The following FKRP variants were observed in gnomAD, a reference collection of about 807,000 sequenced individuals.
FKRP encodes fukutin related protein.
Under a neutral mutation model 30.6 loss-of-function variants are expected in FKRP, and 25 were observed. That is an observed-to-expected ratio of 0.82 (90% CI 0.60 to 1.14). The LOEUF is 1.14. FKRP is among the 50% of genes most tolerant of loss of function. The pLI, the probability that FKRP is intolerant of heterozygous loss-of-function variation, is 0.00. For synonymous variants in FKRP, 358 were observed against 342.5 expected (o/e 1.05, Z -0.50); for missense variants, 771 against 727.8 (o/e 1.06, Z -0.68).
At chr19:46,752,226 G>A (rs2054808468) in intron 3 of FKRP, among the ~76,000 whole-genome samples, 1 of 152,184 alleles carries the variant, frequency 6.6e-6, no homozygotes, top group African/African-American at 2.4e-5. Context: ...GATCTCTCGA[G>A]GTGCTGAATG....
chr19:46,757,025 G>T lies in FKRP; in HGVS notation c.*87G>T. On this transcript the variant is annotated 3_prime_UTR_variant, in exon 4 of 4. Transcript: ENST00000318584. ...GAGCGGTGAGGGGTGGAGGGATGTCGCGGAGAGGGGAAGGGGGAAACTGAC... is the reference window on the plus strand; with the variant it reads ...GAGCGGTGAGGGGTGGAGGGATGTCTCGGAGAGGGGAAGGGGGAAACTGAC... 1.3e-6 allele frequency: 2 copies of T among 1,534,204 alleles called. No homozygotes were observed. Among genetic ancestry groups the T allele is most frequent in the African/African-American group, 2.7e-5 (2 of 73,398 alleles).
At position 46,746,106 on chromosome 19, in the gene FKRP, G is replaced by T; in HGVS notation, c.-253+16G>T. 4 of 1,442,804 alleles carry T rather than the reference G, an allele frequency of 2.8e-6. No homozygotes were observed. The highest frequency in any genetic ancestry group is 3.6e-6 in the Non-Finnish European group (4 of 1,100,284). The allele number at this position is 1,442,804 out of a possible 1,614,324, so 89.4% of individuals were successfully genotyped here. Reference sequence around the variant, plus strand: ...GCGGCAGCGGGTGAGGCCGGGCCGGGCCGGGCCGGGTTGGGGGTCGGGGGT... The same window carrying T: ...GCGGCAGCGGGTGAGGCCGGGCCGGTCCGGGCCGGGTTGGGGGTCGGGGGT... On this transcript the variant is annotated intron_variant, in intron 1 of 3. Transcript: ENST00000318584.
upstream of FKRP, chr19:46,746,046 G>C (rs1438422244): frequency 5.8e-6 from 6 of 1,041,972 alleles, no homozygotes; most frequent in Non-Finnish European, 4.9e-6. Context: ...CCCGCCGGCC[G>C]TCCCGGCGGC....
chr19:46,746,498 C>G (rs1389612871), intron 1 of FKRP: 6 of 848,962 alleles, frequency 7.1e-6, no homozygotes, highest in East Asian at 1.2e-4. Flanking sequence ...CCAACACCCC[C>G]CCCCCTCCCC....
Position 46,755,879 on chromosome 19 carries a change from C to T in FKRP, c.429C>T (p.Arg143=). The change falls in exon 4 of 4, where the codon CGC becomes CGT. Residue 143 remains arginine (R), a synonymous_variant. Transcript: ENST00000318584. The stretch of plus-strand genomic sequence containing the variant: ...CTGAGGCACCTGGCCTGCTGGAGCG[C>T]ATGGTGGAGGCGCTCCGCGCAGGAA... ...ARAEAPGLLE[R]MVEALRAGSA... 2 of 1,496,832 alleles carry T rather than the reference C, an allele frequency of 1.3e-6. No individual in the cohort carries two copies. Among genetic ancestry groups the T allele is most frequent in the Non-Finnish European group, 1.8e-6 (2 of 1,126,638 alleles). 92.7% of individuals were successfully genotyped at this position (1,496,832 alleles called of 1,614,324 possible).
chr19:46,756,868 T>G lies in FKRP; in HGVS notation c.1418T>G (p.Phe473Cys), dbSNP rs752243337. ...TACCGCCGCTTCCTGGAGCTCAAGT[T>G]CGGGCCCGGGGTCATCGAGAACCCC... ...NNYRRFLELKFGPGVIENPQY... is the reference protein window; with the variant it reads ...NNYRRFLELKCGPGVIENPQY... The change falls in exon 4 of 4, where the codon TTC becomes TGC. Residue 473 changes from phenylalanine (F) to cysteine (C), a missense_variant. Physicochemically the swap from Phe to Cys is radical, Grantham distance 205 (BLOSUM62 -2). Transcript: ENST00000318584. The surrounding 1 kb of genome is among the most constrained non-coding windows in gnomAD (Gnocchi z 6.6). 3 of 1,611,130 alleles carry G rather than the reference T, an allele frequency of 1.9e-6. No homozygotes were observed. The African/African-American group carries it at 4.0e-5, about 21-fold the overall frequency.
Position 46,756,285 on chromosome 19 carries a change from T to C in FKRP, c.835T>C (p.Trp279Arg), listed in dbSNP as rs2054919937. 2 of 1,525,862 alleles carry C rather than the reference T, an allele frequency of 1.3e-6. No homozygotes were observed. Among genetic ancestry groups the C allele is most frequent in the Non-Finnish European group, 1.8e-6 (2 of 1,140,450 alleles). 94.5% of individuals were successfully genotyped at this position (1,525,862 alleles called of 1,614,324 possible). A position where few individuals can be genotyped will look rare whatever the true frequency, so the allele number is the denominator to read the frequency against. Residue 279 changes from tryptophan (W) to arginine (R), a missense_variant, in exon 4 of 4, where the codon TGG (tryptophan) becomes CGG (arginine). Trp to Arg is a moderately radical substitution (Grantham distance 101). Transcript: ENST00000318584. The surrounding 1 kb of genome is among the most constrained non-coding windows in gnomAD (Gnocchi z 6.6). ...LRALGIRLVSWEGGRLEWFGC... is the reference protein window; with the variant it reads ...LRALGIRLVSREGGRLEWFGC... ...CGCGCTGGGCATCCGCCTAGTGAGCTGGGAAGGCGGGCGGCTGGAGTGGTT... is the reference window on the plus strand; with the variant it reads ...CGCGCTGGGCATCCGCCTAGTGAGCCGGGAAGGCGGGCGGCTGGAGTGGTT...
Position 46,748,930 on chromosome 19 carries a change from AG to A in FKRP, c.-40+270del, listed in dbSNP as rs1462205083. ...CTAATCTTTGTATTTTTTGGTAGAGAGGGGGTTTCACCATATTGCCCACGCT... is the reference window on the plus strand; with the variant it reads ...CTAATCTTTGTATTTTTTGGTAGAGAGGGGTTTCACCATATTGCCCACGCT... On this transcript the variant is annotated intron_variant, in intron 3 of 3. Transcript: ENST00000318584. 3 of 152,178 alleles carry A rather than the reference AG, an allele frequency of 2.0e-5. No individual in the cohort carries two copies. In the East Asian group the frequency reaches 5.8e-4, roughly 30 times the overall value. The allele number at this position is 152,178 out of a possible 1,614,324, so 9.4% of individuals were successfully genotyped here.
chr19:46,755,718 C>A lies in FKRP; in HGVS notation c.268C>A (p.Pro90Thr). The A allele has an allele frequency of 6.3e-7, 1 of 1,578,054 alleles. No homozygotes were observed. The highest frequency in any genetic ancestry group is 8.6e-7 in the Non-Finnish European group (1 of 1,169,436). Residue 90 changes from proline (P) to threonine (T), a missense_variant, in exon 4 of 4, where the codon CCC (proline) becomes ACC (threonine). Pro to Thr is a conservative substitution (Grantham distance 38, BLOSUM62 -1). Coordinates refer to ENST00000318584, the MANE Select transcript of FKRP (RefSeq NM_024301.5). Reference protein sequence around the residue: ...VVAADTLPYPPLALPRIPNVR... With the variant: ...VVAADTLPYPTLALPRIPNVR... ...GGCAGCCGACACGCTCCCCTACCCGCCCCTGGCCCTGCCCCGCATCCCCAA... is the reference window on the plus strand; with the variant it reads ...GGCAGCCGACACGCTCCCCTACCCGACCCTGGCCCTGCCCCGCATCCCCAA...
rs2054945600 is a variant in FKRP at position 46,757,143 on chromosome 19, T to A, written c.*205T>A. ...GGATGGGAAGCGACCTCCAGATTTA[T>A]CAAATGGTCATGCCCACTGGGAGCC... On this transcript the variant is annotated 3_prime_UTR_variant, in exon 4 of 4. Transcript: ENST00000318584. 1 of 693,936 alleles carries A rather than the reference T, an allele frequency of 1.4e-6. No homozygotes were observed. The highest frequency in any genetic ancestry group is 2.7e-5 in the East Asian group (1 of 36,602). 43.0% of individuals were successfully genotyped at this position (693,936 alleles called of 1,614,324 possible).
intron 1 of FKRP, chr19:46,746,501 C>A (rs948738842): frequency 5.9e-5 from 50 of 851,162 alleles, no homozygotes; most frequent in Non-Finnish European, 6.9e-5. Flanking sequence ...ACACCCCCCC[C>A]CCTCCCCCGC....
At position 46,755,443 on chromosome 19, in the gene FKRP, T is replaced by A; in HGVS notation, c.-8T>A. 2 of 1,602,200 alleles carry A rather than the reference T, an allele frequency of 1.2e-6. No individual in the cohort carries two copies. Among genetic ancestry groups the A allele is most frequent in the Non-Finnish European group, 1.7e-6 (2 of 1,178,446 alleles). On this transcript the variant is annotated 5_prime_UTR_variant, in exon 4 of 4. Coordinates refer to ENST00000318584, the MANE Select transcript of FKRP (RefSeq NM_024301.5). ...CCGGAGGCCCAGCTAGCCCCAGACT[T>A]CGGCCCCATGCGGCTCACCCGCTGC...
chr19:46,746,883 C>G (rs1387996005), intron 1 of FKRP: 1 of 152,392 alleles, frequency 6.6e-6, no homozygotes, highest in East Asian at 1.9e-4. Context: ...GGTAACCCTT[C>G]CCCAGCGGTG....
Position 46,756,339 on chromosome 19 carries a change from T to A in FKRP, c.889T>A (p.Phe297Ile). ...CTGCAACAAGGAGACCACGCGCTGC[T>A]TCGGAACCGTGGTGGGCGACACGCC... ...FGCNKETTRC[F>I]GTVVGDTPAY... is the part of the protein sequence containing the mutation. The change falls in exon 4 of 4, where the codon TTC (phenylalanine) becomes ATC (isoleucine). Residue 297 changes from phenylalanine to isoleucine, a missense_variant. Transcript: ENST00000318584. The surrounding 1 kb of genome is among the most constrained non-coding windows in gnomAD (Gnocchi z 6.6). 6.4e-7 allele frequency: 1 copy of A among 1,558,676 alleles called. No homozygotes were observed. Among genetic ancestry groups the A allele is most frequent in the Non-Finnish European group, 8.7e-7 (1 of 1,155,368 alleles).
At chr19:46,751,614 G>A (rs891966107) in intron 3 of FKRP, among the ~76,000 whole-genome samples, 9 of 147,554 alleles carry the variant, frequency 6.1e-5, no homozygotes, top group South Asian at 2.1e-4. Context: ...GCCGGACTGC[G>A]GACTGCAGTG....
At chr19:46,750,840 T>G (rs1488678282) in intron 3 of FKRP, among the ~76,000 whole-genome samples, 1 of 152,026 alleles carries the variant, frequency 6.6e-6, no homozygotes, top group Non-Finnish European at 1.5e-5. Flanking sequence ...ACGTTCCTTA[T>G]CTTAATAATT....
Position 46,756,208 on chromosome 19 carries a change from C to A in FKRP, c.758C>A (p.Ala253Glu). The change falls in exon 4 of 4, where the codon GCG becomes GAG. Residue 253 changes from alanine to glutamate, a missense_variant. Ala to Glu is a moderately radical substitution (Grantham distance 107, BLOSUM62 -1). Coordinates refer to ENST00000318584, the MANE Select transcript of FKRP (RefSeq NM_024301.5). This position sits in a 1 kb window ranked among gnomAD's most constrained non-coding sequence, Gnocchi z 6.6. ...ARQPPLATAH[A>E]RWKAEREGRA... is the part of the protein sequence containing the mutation. ...CAGCCCCCGCTGGCCACGGCCCACG[C>A]GCGCTGGAAGGCTGAGCGCGAGGGA... The A allele has an allele frequency of 6.9e-7, 1 of 1,445,368 alleles. No individual in the cohort carries two copies. The highest frequency in any genetic ancestry group is 9.0e-7 in the Non-Finnish European group (1 of 1,106,292). 89.5% of individuals were successfully genotyped at this position (1,445,368 alleles called of 1,614,324 possible). A position where few individuals can be genotyped will look rare whatever the true frequency, so the allele number is the denominator to read the frequency against.
Position 46,753,037 on chromosome 19 carries a change from G to A in FKRP, c.-39-2375G>A, listed in dbSNP as rs1365320171. ...AAAAATTAGCCGGGCATGGTGGCAC[G>A]CGCCTGTAGTCCCAGCTACTCAGGA... On this transcript the variant is annotated intron_variant, in intron 3 of 3. Coordinates refer to ENST00000318584, the MANE Select transcript of FKRP (RefSeq NM_024301.5). 6.0e-5 allele frequency among the ~76,000 whole-genome samples: 9 copies of A among 149,022 alleles called. No individual in the cohort carries two copies. The East Asian group carries it at 1.4e-3, about 23-fold the overall frequency.
chr19:46,756,896 G>A lies in FKRP; in HGVS notation c.1446G>A (p.Gln482=), dbSNP rs1316263313. The change falls in exon 4 of 4, where the codon CAG becomes CAA. Residue 482 remains glutamine (Q), a synonymous_variant. Coordinates refer to ENST00000318584, the MANE Select transcript of FKRP (RefSeq NM_024301.5). The surrounding 1 kb of genome is among the most constrained non-coding windows in gnomAD (Gnocchi z 6.6). The part of the protein sequence containing the change: ...KFGPGVIENP[Q]YPNPALLSLT... ...GGCCCGGGGTCATCGAGAACCCCCA[G>A]TACCCCAACCCGGCACTGCTGAGTC... The A allele has an allele frequency of 6.2e-7, 1 of 1,613,000 alleles. No individual in the cohort carries two copies. Among genetic ancestry groups the A allele is most frequent in the Admixed American group, 1.7e-5 (1 of 59,990 alleles).
Sources: gnomAD v4.1 joint callset for allele counts (sites outside exome capture counted in the v4.1 genomes callset) on GRCh38, gnomAD v4.1.1 for gene constraint, Gnocchi (gnomAD v3.1) non-coding constraint, MANE v1.5 for transcripts, NCBI Gene and HGNC (gene_info 2026-07-23, HGNC 2026-07-21) for gene names.